ADGRF4: variants seen among roughly 807,000 people sequenced by gnomAD.
ADGRF4 encodes the protein G-protein coupled receptor PGR18.
In ADGRF4, 63 loss-of-function variants were observed where a neutral mutation model predicts 58.5. That is an observed-to-expected ratio of 1.08 (90% CI 0.88 to 1.33). ADGRF4 has a LOEUF of 1.33. Among genes scored for constraint, ADGRF4 ranks in the 40% most tolerant of loss-of-function variants. The pLI is 0.00. For synonymous variants in ADGRF4, 313 were observed against 295.4 expected, an observed-to-expected ratio of 1.06 and a Z score of -0.61; for missense variants, 931 against 843.9, an observed-to-expected ratio of 1.10 and a Z score of -1.28.
At chr6:47,708,196 A>G (rs1174390134) in intron 2 of ADGRF4, 28 bp from the exon 3 acceptor site, 3 of 1,580,168 alleles carry the variant, frequency 1.9e-6, no homozygotes, top group Non-Finnish European at 1.7e-6. Context: ...CACAGTAAAG[A>G]GGACCATTGG....
At chr6:47,716,109 T>C (rs573256676) in intron 6 of ADGRF4, among the ~76,000 whole-genome samples, 34 of 152,270 alleles carry the variant, frequency 2.2e-4, no homozygotes, top group African/African-American at 7.5e-4. Context: ...TGGGAAATTT[T>C]GCTCTGTATT....
At position 47,713,991 on chromosome 6, in the gene ADGRF4, A is replaced by G. The variant is rs779548956; in HGVS notation, c.746A>G (p.His249Arg). ...CAGACAAAAGGGTTTCACATCAACC[A>G]TAATACCTCAGAGAAAAGCCTCAAT... ...FIQTKGFHIN[H>R]NTSEKSLNFS... is the part of the protein sequence containing the mutation. Residue 249 changes from histidine (H) to arginine (R), a missense_variant, in exon 6 of 10, where the codon CAT becomes CGT. His to Arg is a conservative substitution (Grantham distance 29). Coordinates refer to ENST00000283303, the MANE Select transcript of ADGRF4 (RefSeq NM_153838.5). 7.5e-6 allele frequency: 12 copies of G among 1,605,588 alleles called. No individual in the cohort carries two copies. Among genetic ancestry groups the G allele is most frequent in the South Asian group, 1.1e-5 (1 of 89,564 alleles).
rs773301209 is a variant in ADGRF4 at position 47,714,865 on chromosome 6, G to A, written c.1620G>A (p.Glu540=). 2.1e-5 allele frequency: 33 copies of A among 1,609,156 alleles called. No homozygotes were observed. The South Asian group carries it at 2.1e-4, about 10-fold the overall frequency. The change falls in exon 6 of 10, where the codon GAG becomes GAA. Residue 540 remains glutamate, a synonymous_variant. Coordinates refer to ENST00000283303, the MANE Select transcript of ADGRF4 (RefSeq NM_153838.5). ...CTACAGTTGCTATCACAGAGCCAGAGAAAGGCTACATGAGACCTGAGGCCT... is the reference window on the plus strand; with the variant it reads ...CTACAGTTGCTATCACAGAGCCAGAAAAAGGCTACATGAGACCTGAGGCCT... ...AVTTVAITEP[E]KGYMRPEACW...
intron 1 of ADGRF4, among the ~76,000 whole-genome samples, chr6:47,705,222 C>T (rs546564272): frequency 8.5e-5 from 13 of 152,284 alleles, no homozygotes; most frequent in African/African-American, 2.2e-4. Flanking sequence ...TTGCCGTGCC[C>T]GGCCTGTCAA....
chr6:47,708,082 C>G, intron 2 of ADGRF4, 142 bp from the exon 3 acceptor site: 1 of 627,830 alleles, frequency 1.6e-6, no homozygotes, highest in Non-Finnish European at 2.9e-6. Flanking sequence ...CAAGTTACCG[C>G]AATACCAGCA....
intron 1 of ADGRF4, among the ~76,000 whole-genome samples, chr6:47,702,418 A>G (rs1027647867): frequency 7.9e-5 from 12 of 152,220 alleles, no homozygotes; most frequent in African/African-American, 2.9e-4. Context: ...TTGTTTGCCT[A>G]CTAAAAGTAG....
At chr6:47,702,616 A>G in intron 1 of ADGRF4, among the ~76,000 whole-genome samples, 2 of 152,214 alleles carry the variant, frequency 1.3e-5, no homozygotes, top group East Asian at 3.8e-4. Flanking sequence ...TTATTCTGTC[A>G]CAATTACTGC....
At position 47,714,247 on chromosome 6, in the gene ADGRF4, C is replaced by T; in HGVS notation, c.1002C>T (p.Leu334=). Residue 334 remains leucine, a synonymous_variant, in exon 6 of 10, where the codon CTC becomes CTT. Transcript: ENST00000283303. ...CAGAAAGGTTGCAAGAAATCATACT[C>T]ACCTTCGAAAAGATCAATAAAACCC... ...VLPERLQEII[L]TFEKINKTRN... is the part of the protein sequence containing the mutation. 6.2e-7 allele frequency: 1 copy of T among 1,614,128 alleles called. No individual in the cohort carries two copies. The highest frequency in any genetic ancestry group is 8.5e-7 in the Non-Finnish European group (1 of 1,180,012).
chr6:47,716,710 C>T, intron 6 of ADGRF4, 96 bp from the exon 7 acceptor site: 1 of 885,734 alleles, frequency 1.1e-6, no homozygotes, highest in Non-Finnish European at 1.8e-6. Context: ...TGTCCAATAA[C>T]TGCCCTAGGA....
rs143897106 is a variant in ADGRF4, at chr6:47,718,414, G to A, written c.2060G>A (p.Gly687Glu). The A allele has an allele frequency of 9.7e-5, 153 of 1,579,526 alleles. No homozygotes were observed. Among genetic ancestry groups the A allele is most frequent in the Non-Finnish European group, 1.2e-4 (139 of 1,148,766 alleles). Residue 687 changes from glycine to glutamate, a missense_variant, in exon 9 of 10, where the codon GGA becomes GAA. By Grantham distance (98) the Gly-to-Glu change is moderately conservative (BLOSUM62 -2). Coordinates refer to ENST00000283303, the MANE Select transcript of ADGRF4 (RefSeq NM_153838.5). ...AATGCATCACTAGGCCCAACCAATG[G>A]ATCTAAATTAATGAATCGTCAAGGA... is the stretch of plus-strand genomic sequence containing the variant. ...AENASLGPTN[G>E]SKLMNRQG
chr6:47,711,387 C>A (rs980684676), intron 4 of ADGRF4, among the ~76,000 whole-genome samples: 1 of 152,080 alleles, frequency 6.6e-6, no homozygotes, highest in African/African-American at 2.4e-5. Flanking sequence ...CTCAGCCTCC[C>A]GAGGAGCTGT....
In ADGRF4 at chr6:47,710,732, T is replaced by G. The variant is rs766829617; in HGVS notation, c.149-3T>G. The G allele has an allele frequency of 2.5e-6, 4 of 1,585,354 alleles. No homozygotes were observed. Among genetic ancestry groups the G allele is most frequent in the Non-Finnish European group, 3.4e-6 (4 of 1,171,400 alleles). ...CTCTCTCTTTCTCTTTTTTTCTTTA[T>G]AGAGAAATGCGAAGGACCTTGTATT... On this transcript the variant is annotated splice_region_variant and splice_polypyrimidine_tract_variant and intron_variant, in intron 3 of 9. Transcript: ENST00000283303.
chr6:47,707,338 A>G lies in ADGRF4; in HGVS notation c.93A>G (p.Lys31=). The change falls in exon 2 of 10, where the codon AAA becomes AAG. Residue 31 remains lysine, a splice_region_variant and synonymous_variant. Coordinates refer to ENST00000283303, the MANE Select transcript of ADGRF4 (RefSeq NM_153838.5). ...ACTATAGATCCAAGATTCACCTAAA[A>G]GTAAGTTTGATCTATTCCTATGTGA... ...CSHYRSKIHL[K]AGDKLQSPEG... is the part of the protein sequence containing the mutation. The G allele has an allele frequency of 4.4e-6, 7 of 1,582,974 alleles. No homozygotes were observed. The highest frequency in any genetic ancestry group is 1.1e-5 in the South Asian group (1 of 90,374).
chr6:47,699,488 G>A (rs144380932), intron 1 of ADGRF4, among the ~76,000 whole-genome samples: 6 of 152,302 alleles, frequency 3.9e-5, no homozygotes, highest in African/African-American at 1.2e-4. Context: ...AAGATAGTTG[G>A]TGAGATATCT....
chr6:47,706,008 A>G (rs1771700208), intron 1 of ADGRF4, among the ~76,000 whole-genome samples: 1 of 152,234 alleles, frequency 6.6e-6, no homozygotes, highest in Non-Finnish European at 1.5e-5. Context: ...GGTTGATAGA[A>G]TGAATGATCA....
chr6:47,714,531 G>C lies in ADGRF4; in HGVS notation c.1286G>C (p.Arg429Pro). 1 of 1,614,084 alleles carries C rather than the reference G, an allele frequency of 6.2e-7. No homozygotes were observed. Among genetic ancestry groups the C allele is most frequent in the Non-Finnish European group, 8.5e-7 (1 of 1,180,010 alleles). Residue 429 changes from arginine to proline, a missense_variant, in exon 6 of 10, where the codon CGG (arginine) becomes CCG (proline). Arg to Pro is a moderately radical substitution (Grantham distance 103). Coordinates refer to ENST00000283303, the MANE Select transcript of ADGRF4 (RefSeq NM_153838.5). ...CLIIEATVWS[R>P]VVVTEISYMR... ...ATCATTGAAGCCACAGTGTGGTCCCGGGTGGTTGTGACGGAGATATCATAC... is the reference window on the plus strand; with the variant it reads ...ATCATTGAAGCCACAGTGTGGTCCCCGGTGGTTGTGACGGAGATATCATAC...
chr6:47,705,141 A>G (rs1771679377), intron 1 of ADGRF4, among the ~76,000 whole-genome samples: 1 of 152,148 alleles, frequency 6.6e-6, no homozygotes, highest in African/African-American at 2.4e-5. Flanking sequence ...GTTAGCCAGG[A>G]TGGTCTTGAT....
intron 5 of ADGRF4, 90 bp from the exon 6 acceptor site, chr6:47,713,708 C>G: frequency 9.6e-7 from 1 of 1,043,092 alleles, no homozygotes; most frequent in Non-Finnish European, 1.4e-6. Context: ...GATTGGGTAA[C>G]CTGATCTTTA....
chr6:47,713,890 G>A lies in ADGRF4; in HGVS notation c.645G>A (p.Leu215=). 2 of 1,608,804 alleles carry A rather than the reference G, an allele frequency of 1.2e-6. No homozygotes were observed. The highest frequency in any genetic ancestry group is 1.7e-5 in the Admixed American group (1 of 59,028). Residue 215 remains leucine (L), a synonymous_variant, in exon 6 of 10, where the codon TTG becomes TTA. Transcript: ENST00000283303. Reference sequence around the variant, plus strand: ...ACAAAAATGCCAGCTCGGATTTGTTGCAGTCAGTGAATTTGTTTGCCAGAC... The same window carrying A: ...ACAAAAATGCCAGCTCGGATTTGTTACAGTCAGTGAATTTGTTTGCCAGAC... The part of the protein sequence containing the change: ...IPNKNASSDL[L]QSVNLFARQL...
Sources: allele counts gnomAD v4.1 joint callset (sites outside exome capture counted in the v4.1 genomes callset), GRCh38; gene constraint gnomAD v4.1.1; transcripts MANE v1.5; gene names NCBI Gene and HGNC (gene_info 2026-07-23, HGNC 2026-07-21).